SLC7A2: variants seen among roughly 807,000 people sequenced by gnomAD.
SLC7A2 encodes solute carrier family 7 member 2.
SLC7A2 carries 48 observed loss-of-function variants against 58.9 expected under a neutral mutation model. The ratio of observed to expected loss-of-function variants is 0.82; its 90% confidence interval spans 0.65 to 1.04. The LOEUF (loss-of-function observed/expected upper bound fraction) is 1.04, where lower values mean the gene tolerates loss of function less well. Among genes scored for constraint, SLC7A2 ranks in the 50% least tolerant of loss-of-function variants. SLC7A2 has a pLI of 0.00. For missense variants in SLC7A2, 1,029 were observed against 818.8 expected, an observed-to-expected ratio of 1.26 and a Z score of -3.13; for synonymous variants, 363 against 314.5, an observed-to-expected ratio of 1.15 and a Z score of -1.63.
At chr8:17,535,718 C>T (rs1801635562) in intron 2 of SLC7A2, among the ~76,000 whole-genome samples, 1 of 152,130 alleles carries the variant, frequency 6.6e-6, no homozygotes, top group Non-Finnish European at 1.5e-5. Flanking sequence ...GCCTGGCCAA[C>T]ATGGTGAAAC....
chr8:17,564,526 A>G (rs922275475), intron 12 of SLC7A2, among the ~76,000 whole-genome samples: 3 of 152,128 alleles, frequency 2.0e-5, no homozygotes, highest in African/African-American at 4.8e-5. Context: ...TGTGGAAGAC[A>G]GTTTTTCCAT....
chr8:17,529,586 A>G (rs1182768017), intron 2 of SLC7A2, among the ~76,000 whole-genome samples: 1 of 149,110 alleles, frequency 6.7e-6, no homozygotes, highest in Non-Finnish European at 1.5e-5. Flanking sequence ...GCTGGAGTGC[A>G]GTGATGTGAT....
In SLC7A2 at chr8:17,550,313, T is replaced by C; in HGVS notation, c.711T>C (p.Ser237=). The C allele has an allele frequency of 6.2e-7, 1 of 1,613,834 alleles. No individual in the cohort carries two copies. Among genetic ancestry groups the C allele is most frequent in the Non-Finnish European group, 8.5e-7 (1 of 1,179,900 alleles). ...TTCTCTTTCTTAGAGAGCCACCTTC[T>C]GAAAACGGAACAAGTATCTATGGGG... ...NISASAREPP[S]ENGTSIYGAG... is the part of the protein sequence containing the mutation. The change falls in exon 6 of 13, where the codon TCT becomes TCC. Residue 237 remains serine, a synonymous_variant. Coordinates refer to ENST00000494857, the MANE Select transcript of SLC7A2 (RefSeq NM_001370338.1).
At chr8:17,524,232 G>C (rs144229529) in intron 2 of SLC7A2, among the ~76,000 whole-genome samples, 39 of 152,266 alleles carry the variant, frequency 2.6e-4, no homozygotes, top group African/African-American at 9.4e-4. Context: ...ACTACCATTT[G>C]ATCCAGCAGT....
intron 2 of SLC7A2, among the ~76,000 whole-genome samples, chr8:17,504,318 C>T (rs1585178348): frequency 6.6e-6 from 1 of 152,176 alleles, no homozygotes; most frequent in Non-Finnish European, 1.5e-5. Flanking sequence ...TCCTGGACCA[C>T]TGGTCAGTTT....
At chr8:17,505,818 A>T (rs1187858616) in intron 2 of SLC7A2, among the ~76,000 whole-genome samples, 1 of 152,220 alleles carries the variant, frequency 6.6e-6, no homozygotes, top group Non-Finnish European at 1.5e-5. Context: ...GAGATTTAAT[A>T]AACTTACAGT....
intron 2 of SLC7A2, among the ~76,000 whole-genome samples, chr8:17,508,650 G>A (rs1800471680): frequency 6.6e-6 from 1 of 152,014 alleles, no homozygotes; most frequent in Admixed American, 6.6e-5. Context: ...TTTGAACCTG[G>A]GAGATGGAGG....
At chr8:17,523,537 T>C (rs1219962409) in intron 2 of SLC7A2, among the ~76,000 whole-genome samples, 1 of 152,090 alleles carries the variant, frequency 6.6e-6, no homozygotes, top group Non-Finnish European at 1.5e-5. Context: ...CAGCAAATGG[T>C]GATGGGATTA....
At position 17,560,466 on chromosome 8, in the gene SLC7A2, C is replaced by A; in HGVS notation, c.1437C>A (p.Leu479=). ...LQRQGFSMRT[L]FCPSLLPTQQ... ...GACAGGGCTTCAGCATGCGGACCCT[C>A]TTCTGCCCCTCCCTTCTGCCAACAC... Residue 479 remains leucine, a synonymous_variant, in exon 10 of 13, where the codon CTC becomes CTA. Coordinates refer to ENST00000494857, the MANE Select transcript of SLC7A2 (RefSeq NM_001370338.1). 6.2e-7 allele frequency: 1 copy of A among 1,614,066 alleles called. No homozygotes were observed. Among genetic ancestry groups the A allele is most frequent in the African/African-American group, 1.3e-5 (1 of 75,048 alleles).
chr8:17,528,321 T>A (rs182477190), intron 2 of SLC7A2, among the ~76,000 whole-genome samples: 86 of 152,270 alleles, frequency 5.6e-4, no homozygotes, highest in Non-Finnish European at 2.2e-4. Flanking sequence ...GAACCCTTTG[T>A]TTTCTTGAGA....
intron 2 of SLC7A2, among the ~76,000 whole-genome samples, chr8:17,539,695 C>T (rs1801827310): frequency 6.6e-6 from 1 of 152,060 alleles, no homozygotes; most frequent in Non-Finnish European, 1.5e-5. Context: ...GTGTAGGTTT[C>T]GTATTAAATA....
At chr8:17,517,219 A>T (rs1563442407) in intron 2 of SLC7A2, among the ~76,000 whole-genome samples, 4 of 152,220 alleles carry the variant, frequency 2.6e-5, no homozygotes, top group Non-Finnish European at 1.5e-5. Context: ...AGACCAAACA[A>T]AAACTTGGCA....
upstream of SLC7A2, among the ~76,000 whole-genome samples, chr8:17,496,344 A>C (rs191082487): frequency 6.6e-6 from 1 of 152,270 alleles, no homozygotes; most frequent in Non-Finnish European, 1.5e-5. Flanking sequence ...ACACACACAT[A>C]TACACACACA....
intron 5 of SLC7A2, among the ~76,000 whole-genome samples, 170 bp from the exon 6 acceptor site, chr8:17,550,131 C>G (rs1020818926): frequency 6.6e-6 from 1 of 152,126 alleles, no homozygotes; most frequent in African/African-American, 2.4e-5. Flanking sequence ...GTTAGTGGCA[C>G]CACCACATTC....
rs1803410864 is a variant in SLC7A2 at position 17,569,334 on chromosome 8, G to C, written c.*4188G>C. On this transcript the variant is annotated 3_prime_UTR_variant, in exon 13 of 13. Transcript: ENST00000494857. ...CGTTATTAAAGTTCACGTGATTCAT[G>C]TGAAATTAACTGTCCTTTTTGCTAG... 1 of 152,192 alleles carries C rather than the reference G, an allele frequency of 6.6e-6. No individual in the cohort carries two copies. Among genetic ancestry groups the C allele is most frequent in the South Asian group, 2.1e-4 (1 of 4,822 alleles). The allele number at this position is 152,192 out of a possible 1,614,324, so 9.4% of individuals were successfully genotyped here. A position where few individuals can be genotyped will look rare whatever the true frequency, so the allele number is the denominator to read the frequency against.
intron 2 of SLC7A2, among the ~76,000 whole-genome samples, chr8:17,525,522 G>A (rs776732584): frequency 6.6e-6 from 1 of 152,138 alleles, no homozygotes; most frequent in East Asian, 1.9e-4. Context: ...ATACAGATAC[G>A]GGTTTGGGTG....
At chr8:17,512,827 A>G (rs1191549857) in intron 2 of SLC7A2, among the ~76,000 whole-genome samples, 1 of 151,854 alleles carries the variant, frequency 6.6e-6, no homozygotes, top group East Asian at 1.9e-4. Flanking sequence ...CCACCATTCT[A>G]CTTTCTGTCT....
intron 2 of SLC7A2, among the ~76,000 whole-genome samples, chr8:17,503,610 C>T (rs1800254232): frequency 6.6e-6 from 1 of 151,562 alleles, no homozygotes; most frequent in Non-Finnish European, 1.5e-5. Flanking sequence ...ATTATTCATA[C>T]GCGGCGCTCA....
At chr8:17,533,978 T>C (rs1376316201) in intron 2 of SLC7A2, among the ~76,000 whole-genome samples, 1 of 152,058 alleles carries the variant, frequency 6.6e-6, no homozygotes, top group East Asian at 1.9e-4. Context: ...TGTGTTCTCA[T>C]TGCTCAGCTC....
Sources: allele counts gnomAD v4.1 joint callset (sites outside exome capture counted in the v4.1 genomes callset), GRCh38; gene constraint gnomAD v4.1.1; transcripts MANE v1.5; gene names NCBI Gene and HGNC (gene_info 2026-07-23, HGNC 2026-07-21).